The following RAB2A variants were observed in gnomAD, a reference collection of about 807,000 sequenced individuals.
RAB2A encodes ras-related protein Rab-2A.
A neutral mutation model predicts 32.5 loss-of-function variants in RAB2A; 7 were observed. The observed-to-expected ratio is 0.22, with a 90% CI of 0.12 to 0.40. The LOEUF (loss-of-function observed/expected upper bound fraction) is 0.40. Ranked by LOEUF, RAB2A falls within the 10% of genes least tolerant of loss-of-function variation. The pLI is 1.00. For synonymous variants in RAB2A, 79 were observed against 85.2 expected, an observed-to-expected ratio of 0.93 and a Z score of 0.40; for missense variants, 108 against 260.7, an observed-to-expected ratio of 0.41 and a Z score of 4.03.
chr8:60,573,259 A>G (rs2099354055), intron 3 of RAB2A, among the ~76,000 whole-genome samples: 1 of 152,256 alleles, frequency 6.6e-6, no homozygotes, highest in South Asian at 2.1e-4. Context: ...CTAAACCAGC[A>G]AATGAGATAG....
At chr8:60,605,854 A>ATATAG (rs1563485040) in intron 6 of RAB2A, among the ~76,000 whole-genome samples, 2 of 77,592 alleles carry the variant, frequency 2.6e-5, no homozygotes, top group African/African-American at 2.5e-4. Flanking sequence ...TATATATATA[A>ATATAG]TGCTTCATTT....
At chr8:60,538,835 T>G (rs1314614703) in intron 1 of RAB2A, among the ~76,000 whole-genome samples, 1 of 152,198 alleles carries the variant, frequency 6.6e-6, no homozygotes, top group East Asian at 1.9e-4. Context: ...AGGGTGGATT[T>G]GGAGCAAGAA....
chr8:60,594,197 C>T (rs185535428), intron 6 of RAB2A, among the ~76,000 whole-genome samples: 65 of 152,224 alleles, frequency 4.3e-4, no homozygotes, highest in Non-Finnish European at 3.7e-4. Flanking sequence ...AAAGGAATGG[C>T]TCTGAAAAAT....
At chr8:60,592,219 A>G (rs1320158170) in intron 6 of RAB2A, 1 of 265,678 alleles carries the variant, frequency 3.8e-6, no homozygotes, top group African/African-American at 2.2e-5. Context: ...CTTTTTCTAA[A>G]CAATTTCCTA....
intron 1 of RAB2A, among the ~76,000 whole-genome samples, chr8:60,522,267 G>A (rs978307803): frequency 3.9e-5 from 6 of 152,174 alleles, no homozygotes; most frequent in African/African-American, 1.4e-4. Flanking sequence ...TGAAATGGTA[G>A]GAAGACATTA....
intron 2 of RAB2A, among the ~76,000 whole-genome samples, chr8:60,567,983 G>T (rs1808141202): frequency 6.6e-6 from 1 of 152,092 alleles, no homozygotes; most frequent in African/African-American, 2.4e-5. Flanking sequence ...TATGGTGTTT[G>T]CTGTTTTGTT....
Position 60,517,082 on chromosome 8 carries a change from C to A in RAB2A, c.-126C>A. On this transcript the variant is annotated 5_prime_UTR_variant, in exon 1 of 8. Coordinates refer to ENST00000262646, the MANE Select transcript of RAB2A (RefSeq NM_002865.3). ...ACAGCCCCTCACTCCCGGCGGCTGA[C>A]AGCAGCAGCGGCGGCGGCGGGCGGC... 8.8e-6 allele frequency: 9 copies of A among 1,017,642 alleles called. No individual in the cohort carries two copies. The highest frequency in any genetic ancestry group is 1.2e-5 in the Non-Finnish European group (9 of 738,234). 63.0% of individuals were successfully genotyped at this position (1,017,642 alleles called of 1,614,324 possible).
At chr8:60,527,312 G>A (rs1307462317) in intron 1 of RAB2A, among the ~76,000 whole-genome samples, 3 of 152,150 alleles carry the variant, frequency 2.0e-5, no homozygotes, top group African/African-American at 7.2e-5. Flanking sequence ...GTGAGATTTG[G>A]GTGGAGACAC....
intron 5 of RAB2A, among the ~76,000 whole-genome samples, chr8:60,590,405 A>G (rs900595675): frequency 1.3e-5 from 2 of 151,574 alleles, no homozygotes; most frequent in African/African-American, 4.8e-5. Context: ...GGGAAGGCCA[A>G]AGTGGGAGGA....
At chr8:60,583,161 G>C (rs1277830033) in intron 3 of RAB2A, among the ~76,000 whole-genome samples, 1 of 151,854 alleles carries the variant, frequency 6.6e-6, no homozygotes, top group Non-Finnish European at 1.5e-5. Flanking sequence ...GGGTGGGAAG[G>C]GCTAAATATT....
At chr8:60,533,035 A>G (rs1046346339) in intron 1 of RAB2A, among the ~76,000 whole-genome samples, 2 of 152,266 alleles carry the variant, frequency 1.3e-5, no homozygotes, top group Admixed American at 1.3e-4. Flanking sequence ...GCCAAATTTT[A>G]GCAAAATTGT....
In RAB2A at chr8:60,618,561, C is replaced by A; in HGVS notation, c.475-19C>A. ...TGCTTTGGTTTTATATAATATGAAC[C>A]AATTTCTCTATATTTCAGGCATTTA... On this transcript the variant is annotated intron_variant, in intron 6 of 7. Transcript: ENST00000262646. 3 of 1,173,432 alleles carry A rather than the reference C, an allele frequency of 2.6e-6. No homozygotes were observed. The highest frequency in any genetic ancestry group is 3.6e-5 in the South Asian group (2 of 56,186). 72.7% of individuals were successfully genotyped at this position (1,173,432 alleles called of 1,614,324 possible). A position where few individuals can be genotyped will look rare whatever the true frequency, so the allele number is the denominator to read the frequency against.
intron 6 of RAB2A, among the ~76,000 whole-genome samples, chr8:60,616,406 T>C (rs992038732): frequency 6.6e-6 from 1 of 152,252 alleles, no homozygotes; most frequent in Non-Finnish European, 1.5e-5. Context: ...AATGTGCACA[T>C]GTGGATGCTC....
intron 2 of RAB2A, among the ~76,000 whole-genome samples, chr8:60,564,802 A>C (rs1394382484): frequency 6.6e-6 from 1 of 152,250 alleles, no homozygotes; most frequent in African/African-American, 2.4e-5. Context: ...GGTCCATGAC[A>C]GCAGATGGTT....
At chr8:60,562,674 A>G (rs1427081146) in intron 2 of RAB2A, among the ~76,000 whole-genome samples, 2 of 152,212 alleles carry the variant, frequency 1.3e-5, no homozygotes, top group African/African-American at 2.4e-5. Flanking sequence ...CAAACAGAAT[A>G]TTTAGGATCA....
intron 1 of RAB2A, among the ~76,000 whole-genome samples, chr8:60,533,195 G>A (rs926098659): frequency 2.6e-5 from 4 of 152,168 alleles, no homozygotes; most frequent in Non-Finnish European, 4.4e-5. Flanking sequence ...GTAATAAAGC[G>A]AACAAAAGAA....
chr8:60,540,486 C>G (rs1807623316), intron 1 of RAB2A, among the ~76,000 whole-genome samples: 1 of 143,062 alleles, frequency 7.0e-6, no homozygotes, highest in African/African-American at 2.6e-5. Context: ...TCCCTCCCTC[C>G]CTTTCTTCTT....
chr8:60,555,915 T>C (rs1466664036), intron 1 of RAB2A, among the ~76,000 whole-genome samples: 2 of 152,232 alleles, frequency 1.3e-5, no homozygotes, highest in Non-Finnish European at 2.9e-5. Flanking sequence ...CTCCCATGTT[T>C]GTTGCAGCAC....
At chr8:60,580,225 G>T (rs1308246863) in intron 3 of RAB2A, among the ~76,000 whole-genome samples, 2 of 151,368 alleles carry the variant, frequency 1.3e-5, no homozygotes, top group Non-Finnish European at 2.9e-5. Flanking sequence ...TCAAACGCCT[G>T]ACCTCGTGAT....
Sources: gnomAD v4.1 joint callset for allele counts (sites outside exome capture counted in the v4.1 genomes callset) on GRCh38, gnomAD v4.1.1 for gene constraint, MANE v1.5 for transcripts, NCBI Gene and HGNC (gene_info 2026-07-23, HGNC 2026-07-21) for gene names.